Variants in ASIC2 observed in about 807,000 individuals in gnomAD.
ASIC2 encodes acid sensing ion channel subunit 2, also known as acid-sensing ion channel 2.
Under a neutral mutation model 57.3 loss-of-function variants are expected in ASIC2, and 25 were observed. That is an observed-to-expected ratio of 0.44 (90% confidence interval 0.32 to 0.61). ASIC2 has a LOEUF of 0.61. Ranked by LOEUF, ASIC2 falls within the 20% of genes least tolerant of loss-of-function variation. ASIC2 has a pLI of 0.06. For synonymous variants in ASIC2, 319 were observed against 307.5 expected (o/e 1.04, Z -0.39); for missense variants, 641 against 738.1 (o/e 0.87, Z 1.52).
chr17:34,132,983 C>T (rs1912035259), intron 1 of ASIC2, among the ~76,000 whole-genome samples: 1 of 152,138 alleles, frequency 6.6e-6, no homozygotes, highest in Non-Finnish European at 1.5e-5. Context: ...TTTGGGGTCA[C>T]CCCAATTTAA....
chr17:34,087,855 T>C (rs1300825343), intron 1 of ASIC2, among the ~76,000 whole-genome samples: 1 of 152,240 alleles, frequency 6.6e-6, no homozygotes, highest in African/African-American at 2.4e-5. Flanking sequence ...TTCTGCATTC[T>C]TCACATAGTT....
intron 1 of ASIC2, among the ~76,000 whole-genome samples, chr17:33,379,855 C>A (rs1036022886): frequency 2.0e-5 from 3 of 152,172 alleles, no homozygotes; most frequent in Admixed American, 6.5e-5. Context: ...CCATGTACAT[C>A]TCTTTTATTA....
chr17:33,937,155 G>A (rs1046307835), intron 1 of ASIC2, among the ~76,000 whole-genome samples: 1 of 152,242 alleles, frequency 6.6e-6, no homozygotes, highest in South Asian at 2.1e-4. Flanking sequence ...AGGCTGGAGT[G>A]TAGTGGTGCA....
chr17:33,539,763 G>A (rs1012325609), intron 1 of ASIC2, among the ~76,000 whole-genome samples: 2 of 152,096 alleles, frequency 1.3e-5, no homozygotes, highest in Non-Finnish European at 1.5e-5. Flanking sequence ...GCTGACCTTC[G>A]GGAGCTCACA....
chr17:33,173,951 C>G (rs1476046312), intron 1 of ASIC2, among the ~76,000 whole-genome samples: 2 of 152,160 alleles, frequency 1.3e-5, no homozygotes, highest in Admixed American at 1.3e-4. Context: ...TTGAGCTGCT[C>G]CATTAACCTG....
chr17:33,683,860 C>T (rs58294803), intron 1 of ASIC2, among the ~76,000 whole-genome samples: 23,502 of 152,132 alleles, frequency 0.15, 2,018 homozygotes, highest in East Asian at 0.31. Flanking sequence ...TAGGAGCCCA[C>T]CCTTTTCCCG....
intron 1 of ASIC2, among the ~76,000 whole-genome samples, chr17:33,624,798 A>G (rs1416567362): frequency 6.6e-6 from 1 of 152,242 alleles, no homozygotes; most frequent in Non-Finnish European, 1.5e-5. Context: ...AGGGCTAAGC[A>G]TTTGGGGTCT....
chr17:33,417,446 G>A (rs1244503947), intron 1 of ASIC2, among the ~76,000 whole-genome samples: 1 of 152,144 alleles, frequency 6.6e-6, no homozygotes, highest in Admixed American at 6.5e-5. Flanking sequence ...ACCCGGCCAA[G>A]ACTACCCGGG....
At chr17:33,579,602 G>T (rs757793155) in intron 1 of ASIC2, among the ~76,000 whole-genome samples, 1 of 151,700 alleles carries the variant, frequency 6.6e-6, no homozygotes, top group African/African-American at 2.4e-5. Flanking sequence ...ATGGTGTGTC[G>T]GGAGTTTGTT....
At chr17:33,084,427 A>C (rs2141961329) in intron 3 of ASIC2, among the ~76,000 whole-genome samples, 1 of 152,326 alleles carries the variant, frequency 6.6e-6, no homozygotes, top group Non-Finnish European at 1.5e-5. Flanking sequence ...CGCTCTCTCC[A>C]GAGAGTCTTC....
At chr17:34,038,333 T>C in intron 1 of ASIC2, 1 of 1,610,672 alleles carries the variant, frequency 6.2e-7, no homozygotes, top group Non-Finnish European at 8.5e-7. Context: ...CGAGTCAGTA[T>C]CCAGTGAAAA....
At chr17:33,431,413 C>A (rs2141978488) in intron 1 of ASIC2, among the ~76,000 whole-genome samples, 1 of 152,184 alleles carries the variant, frequency 6.6e-6, no homozygotes, top group South Asian at 2.1e-4. Flanking sequence ...TTGAGAACAG[C>A]CTGGCCATGA....
At chr17:34,142,499 C>A (rs1023426092) in intron 1 of ASIC2, among the ~76,000 whole-genome samples, 2 of 152,156 alleles carry the variant, frequency 1.3e-5, no homozygotes, top group East Asian at 1.9e-4. Context: ...TTATTTAATT[C>A]TCCCCAAATC....
At chr17:33,907,539 C>T (rs181690470) in intron 1 of ASIC2, among the ~76,000 whole-genome samples, 2 of 152,128 alleles carry the variant, frequency 1.3e-5, no homozygotes, top group African/African-American at 4.8e-5. Flanking sequence ...ACTCATTCTC[C>T]CTTTGGTCTC....
intron 1 of ASIC2, chr17:34,000,846 T>G (rs1185300601): frequency 6.6e-6 from 1 of 152,182 alleles, no homozygotes; most frequent in Non-Finnish European, 1.5e-5. Context: ...CTTGATTGAG[T>G]CTGCTGTTGA....
At chr17:33,501,398 G>T (rs183754404) in intron 1 of ASIC2, among the ~76,000 whole-genome samples, 5 of 152,234 alleles carry the variant, frequency 3.3e-5, no homozygotes, top group Non-Finnish European at 5.9e-5. Context: ...TGCCAGCAGG[G>T]GCTCCAGTGA....
intron 1 of ASIC2, among the ~76,000 whole-genome samples, chr17:33,983,095 T>C (rs1000628219): frequency 6.6e-6 from 1 of 152,196 alleles, no homozygotes; most frequent in African/African-American, 2.4e-5. Context: ...CATGTTTATC[T>C]TTGTGGCTGT....
chr17:34,065,729 G>A (rs1308842948), intron 1 of ASIC2, among the ~76,000 whole-genome samples: 1 of 152,030 alleles, frequency 6.6e-6, no homozygotes, highest in African/African-American at 2.4e-5. Flanking sequence ...GAAGAGGGAC[G>A]TAGATGAATA....
chr17:33,020,780 G>T (rs2091832266), intron 7 of ASIC2, among the ~76,000 whole-genome samples: 1 of 152,068 alleles, frequency 6.6e-6, no homozygotes, highest in Admixed American at 6.5e-5. Flanking sequence ...AGTTCCATCA[G>T]GGCCCTCACC....
Sources: allele counts gnomAD v4.1 joint callset (sites outside exome capture counted in the v4.1 genomes callset), GRCh38; gene constraint gnomAD v4.1.1; transcripts MANE v1.5; gene names NCBI Gene and HGNC (gene_info 2026-07-23, HGNC 2026-07-21).